Variants in DPYD observed in about 807,000 individuals in gnomAD.
DPYD encodes dihydropyrimidine dehydrogenase [NADP(+)].
DPYD carries 109 observed loss-of-function variants against 116.2 expected under a neutral mutation model. That is an observed-to-expected ratio of 0.94 (90% CI 0.80 to 1.10). The LOEUF is 1.10. DPYD is among the 50% of genes least tolerant of loss of function. The pLI is 0.00. For missense variants in DPYD, 1,302 were observed against 1,254.5 expected, an observed-to-expected ratio of 1.04 and a Z score of -0.57; for synonymous variants, 440 against 432.0, an observed-to-expected ratio of 1.02 and a Z score of -0.23.
intron 5 of DPYD, among the ~76,000 whole-genome samples, chr1:97,719,047 C>G (rs1211191511): frequency 6.6e-6 from 1 of 151,082 alleles, no homozygotes; most frequent in Non-Finnish European, 1.5e-5. Context: ...ACCCCGGTAG[C>G]CTGTTTACTA....
intron 10 of DPYD, among the ~76,000 whole-genome samples, chr1:97,574,655 G>A (rs1428756962): frequency 1.3e-5 from 2 of 152,068 alleles, no homozygotes; most frequent in African/African-American, 4.8e-5. Flanking sequence ...GTTTTCATAT[G>A]CATAATGGAA....
chr1:97,397,169 G>C (rs12043021), intron 14 of DPYD, among the ~76,000 whole-genome samples: 1 of 151,766 alleles, frequency 6.6e-6, no homozygotes, highest in East Asian at 1.9e-4. Flanking sequence ...TATGAAGATT[G>C]TAATACTTGC....
chr1:97,374,570 T>G (rs1286204274), intron 15 of DPYD, among the ~76,000 whole-genome samples: 2 of 151,456 alleles, frequency 1.3e-5, no homozygotes, highest in Non-Finnish European at 2.9e-5. Context: ...AATACAAAAA[T>G]TAGCCGGGCA....
chr1:97,128,367 T>C (rs1321700235), intron 20 of DPYD, among the ~76,000 whole-genome samples: 1 of 152,196 alleles, frequency 6.6e-6, no homozygotes, highest in Non-Finnish European at 1.5e-5. Flanking sequence ...AGGCTTCATG[T>C]CTTTGAACTA....
chr1:97,148,182 G>A (rs965287054), intron 20 of DPYD, among the ~76,000 whole-genome samples: 8 of 151,848 alleles, frequency 5.3e-5, no homozygotes, highest in Non-Finnish European at 1.0e-4. Context: ...CTGTCTCTGG[G>A]GCACTGGTAT....
At chr1:97,918,075 C>A (rs1396403260) in intron 1 of DPYD, among the ~76,000 whole-genome samples, 1 of 152,090 alleles carries the variant, frequency 6.6e-6, no homozygotes, top group Non-Finnish European at 1.5e-5. Context: ...AGACTGTATC[C>A]AAACAGTACA....
intron 12 of DPYD, among the ~76,000 whole-genome samples, chr1:97,530,417 C>T (rs1254939223): frequency 2.0e-5 from 3 of 151,872 alleles, no homozygotes; most frequent in South Asian, 2.1e-4. Flanking sequence ...CGGGTTTTCA[C>T]CATGTTAGCC....
At chr1:97,725,355 T>C (rs1020708661) in intron 4 of DPYD, among the ~76,000 whole-genome samples, 2 of 151,454 alleles carry the variant, frequency 1.3e-5, no homozygotes, top group African/African-American at 2.4e-5. Flanking sequence ...GCCAAAAGAC[T>C]AATTATTGGG....
intron 14 of DPYD, among the ~76,000 whole-genome samples, chr1:97,432,559 G>A (rs1320988876): frequency 6.6e-6 from 1 of 151,176 alleles, no homozygotes; most frequent in African/African-American, 2.4e-5. Flanking sequence ...GTCTCTATCT[G>A]ATAATTCCAA....
chr1:97,196,373 C>T (rs1328949794), intron 19 of DPYD, among the ~76,000 whole-genome samples: 3 of 152,186 alleles, frequency 2.0e-5, no homozygotes, highest in Admixed American at 2.0e-4. Context: ...ACCTGGCCTC[C>T]CACAAATGCT....
chr1:97,755,710 A>G (rs1665190965), intron 3 of DPYD, among the ~76,000 whole-genome samples: 1 of 152,174 alleles, frequency 6.6e-6, no homozygotes, highest in African/African-American at 2.4e-5. Context: ...ATCCAGCTCT[A>G]TTATTAGCTT....
At chr1:97,776,037 G>T (rs777290734) in intron 3 of DPYD, among the ~76,000 whole-genome samples, 1 of 152,048 alleles carries the variant, frequency 6.6e-6, no homozygotes, top group Non-Finnish European at 1.5e-5. Context: ...AAGCAGGTGG[G>T]GAAAGGTGGG....
At chr1:97,751,043 G>A (rs1403184633) in intron 3 of DPYD, among the ~76,000 whole-genome samples, 2 of 152,076 alleles carry the variant, frequency 1.3e-5, no homozygotes, top group Non-Finnish European at 2.9e-5. Context: ...GTGAAAAAAA[G>A]TTTGGCCTTA....
At chr1:97,166,618 T>C (rs1201825240) in intron 20 of DPYD, among the ~76,000 whole-genome samples, 1 of 152,168 alleles carries the variant, frequency 6.6e-6, no homozygotes, top group African/African-American at 2.4e-5. Flanking sequence ...TTAGGTGTCA[T>C]ACAAATGGGA....
chr1:97,544,138 G>A (rs1400206391), intron 12 of DPYD, among the ~76,000 whole-genome samples: 1 of 152,180 alleles, frequency 6.6e-6, no homozygotes, highest in Non-Finnish European at 1.5e-5. Context: ...GACTCTGGCT[G>A]CAGTGTAGGG....
intron 8 of DPYD, among the ~76,000 whole-genome samples, chr1:97,640,132 C>T (rs372456725): frequency 3.3e-5 from 5 of 152,066 alleles, no homozygotes; most frequent in Middle Eastern, 3.2e-3. Flanking sequence ...CTAATGAAGT[C>T]AAGTTACGTA....
At chr1:97,832,995 GAA>G (rs1161903108) in intron 2 of DPYD, among the ~76,000 whole-genome samples, 8 of 58,990 alleles carry the variant, frequency 1.4e-4, no homozygotes, top group African/African-American at 3.7e-4. Flanking sequence ...AAGAGGCAAA[GAA>G]AAAAAAAAAA....
chr1:97,216,560 G>A (rs996074847), intron 19 of DPYD, among the ~76,000 whole-genome samples: 6 of 152,068 alleles, frequency 3.9e-5, no homozygotes, highest in Non-Finnish European at 2.9e-5. Flanking sequence ...TTGGGAGGCC[G>A]AGGCAGGCAA....
At chr1:97,388,507 G>C (rs972964773) in intron 14 of DPYD, among the ~76,000 whole-genome samples, 2 of 152,094 alleles carry the variant, frequency 1.3e-5, no homozygotes, top group African/African-American at 4.8e-5. Flanking sequence ...CCAAGAGAAG[G>C]AAGTGTTCCA....
Sources: allele counts gnomAD v4.1 joint callset (sites outside exome capture counted in the v4.1 genomes callset), GRCh38; gene constraint gnomAD v4.1.1; transcripts MANE v1.5; gene names NCBI Gene and HGNC (gene_info 2026-07-23, HGNC 2026-07-21).